Variants in GASK1B observed in about 807,000 individuals in gnomAD.
GASK1B encodes the protein golgi associated kinase 1B.
A neutral mutation model predicts 42.8 loss-of-function variants in GASK1B; 34 were observed. The ratio of observed to expected loss-of-function variants is 0.79; its 90% CI spans 0.60 to 1.06. The LOEUF (loss-of-function observed/expected upper bound fraction) is 1.06, where lower values mean the gene tolerates loss of function less well. GASK1B is among the 50% of genes least tolerant of loss of function. GASK1B has a pLI of 0.00. For missense variants in GASK1B, 686 were observed against 661.0 expected, an observed-to-expected ratio of 1.04 and a Z score of -0.42; for synonymous variants, 262 against 259.1, an observed-to-expected ratio of 1.01 and a Z score of -0.11.
intron 3 of GASK1B, among the ~76,000 whole-genome samples, chr4:158,150,986 T>C (rs752685134): frequency 1.3e-5 from 2 of 152,234 alleles, no homozygotes; most frequent in Non-Finnish European, 2.9e-5. Context: ...CTGCAATTTC[T>C]TCCTCCTACT....
intron 3 of GASK1B, among the ~76,000 whole-genome samples, chr4:158,152,364 AC>A (rs1731590529): frequency 6.6e-6 from 1 of 152,188 alleles, no homozygotes; most frequent in Admixed American, 6.5e-5. Context: ...AAAATTGCTA[AC>A]AAAAAAGTCC....
intron 2 of GASK1B, among the ~76,000 whole-genome samples, chr4:158,167,982 G>A (rs1732292243): frequency 6.6e-6 from 1 of 152,162 alleles, no homozygotes; most frequent in Non-Finnish European, 1.5e-5. Context: ...ATGACCAGAA[G>A]TGGTCTATTT....
At chr4:158,159,304 G>T (rs1006060996) in intron 2 of GASK1B, among the ~76,000 whole-genome samples, 4 of 152,096 alleles carry the variant, frequency 2.6e-5, no homozygotes, top group African/African-American at 9.7e-5. Context: ...CCACATACAG[G>T]CCTTCTTGCT....
chr4:158,166,490 C>T (rs2346320), intron 2 of GASK1B, among the ~76,000 whole-genome samples: 140,724 of 152,274 alleles, frequency 0.92, 65,317 homozygotes, highest in East Asian at 0.98. Context: ...CCTTCTTACA[C>T]CTCCCTTTTC....
intron 3 of GASK1B, among the ~76,000 whole-genome samples, chr4:158,147,625 A>T (rs949775075): frequency 1.7e-4 from 24 of 144,776 alleles, no homozygotes; most frequent in Non-Finnish European, 3.1e-4. Flanking sequence ...AAAAAAAAAA[A>T]TTAAATTTAA....
chr4:158,159,960 TATGA>T (rs1731908550), intron 2 of GASK1B, among the ~76,000 whole-genome samples: 1 of 152,132 alleles, frequency 6.6e-6, no homozygotes, highest in South Asian at 2.1e-4. Context: ...TGGGTGGAGC[TATGA>T]ATGTCTGTGA....
intron 3 of GASK1B, among the ~76,000 whole-genome samples, chr4:158,132,159 T>C (rs1730708834): frequency 1.3e-5 from 2 of 149,444 alleles, no homozygotes; most frequent in South Asian, 2.1e-4. Flanking sequence ...GTGGATTTGT[T>C]TGTCTCCAAA....
At chr4:158,149,597 T>G (rs374898126) in intron 3 of GASK1B, among the ~76,000 whole-genome samples, 7 of 4,470 alleles carry the variant, frequency 1.6e-3, no homozygotes, top group African/African-American at 1.7e-3. Context: ...ATTGTCCTAA[T>G]CATTCTCAGG....
chr4:158,140,072 A>C (rs1731055165), intron 3 of GASK1B, among the ~76,000 whole-genome samples: 1 of 152,186 alleles, frequency 6.6e-6, no homozygotes. Flanking sequence ...GAGTACAATG[A>C]CCACCGGTAT....
At chr4:158,158,052 T>C (rs1731823103) in intron 2 of GASK1B, among the ~76,000 whole-genome samples, 1 of 152,118 alleles carries the variant, frequency 6.6e-6, no homozygotes, top group Admixed American at 6.6e-5. Flanking sequence ...GAGTATAACT[T>C]ATGGTTAGAG....
At chr4:158,172,433 T>C (rs1437266979) in intron 1 of GASK1B, 1 of 152,224 alleles carries the variant, frequency 6.6e-6, no homozygotes, top group Non-Finnish European at 1.5e-5. Flanking sequence ...AGAACATATT[T>C]CATGGTCAAG....
At chr4:158,144,374 A>G (rs1467932068) in intron 3 of GASK1B, among the ~76,000 whole-genome samples, 1 of 152,242 alleles carries the variant, frequency 6.6e-6, no homozygotes. Flanking sequence ...GGAAATACAT[A>G]TAGTAGAAAC....
intron 2 of GASK1B, among the ~76,000 whole-genome samples, chr4:158,163,418 G>C (rs1404962412): frequency 6.6e-6 from 1 of 151,946 alleles, no homozygotes; most frequent in Non-Finnish European, 1.5e-5. Flanking sequence ...AAAATGCAAA[G>C]ATTAGCCGGG....
rs1553958620 is a variant in GASK1B, at chr4:158,141,597, C to CATTTTTTTTTTTTTTTT, written c.1126-10586_1126-10585insAAAAAAAAAAAAAAAAT. On this transcript the variant is annotated intron_variant, in intron 3 of 4. Transcript: ENST00000585682. ...CATAGGTCAGTGCCTTTGTATTTAC[C>CATTTTTTTTTTTTTTTT]TTTTTTTTTTTTTTTTTTTTTTTTT... is the stretch of plus-strand genomic sequence containing the variant. Among the ~76,000 whole-genome samples the CATTTTTTTTTTTTTTTT allele has an allele frequency of 2.6e-5, 3 of 113,694 alleles. 1 individual carries two copies. The allele number at this position is 113,694 out of a possible 152,430, so 74.6% of individuals were successfully genotyped here.
chr4:158,150,464 T>C, intron 3 of GASK1B, among the ~76,000 whole-genome samples: 1 of 152,140 alleles, frequency 6.6e-6, no homozygotes, highest in East Asian at 1.9e-4. Context: ...CCAATAGAAC[T>C]TGAGAGGCAA....
Position 158,136,367 on chromosome 4 carries a change from C to T in GASK1B, c.1126-5355G>A, listed in dbSNP as rs149790618. Among the ~76,000 whole-genome samples, 53 of 151,480 alleles carry T rather than the reference C, an allele frequency of 3.5e-4. No individual in the cohort carries two copies. The East Asian group carries it at 4.7e-3, about 13-fold the overall frequency. On this transcript the variant is annotated intron_variant, in intron 3 of 4. Transcript: ENST00000585682. ...CAGGACCCCCAGAAAATGCACTGTG[C>T]CTATAAAAAAAAAAGCTAAAAATTT...
intron 3 of GASK1B, among the ~76,000 whole-genome samples, chr4:158,150,720 T>G (rs1296783768): frequency 6.6e-6 from 1 of 152,222 alleles, no homozygotes; most frequent in East Asian, 1.9e-4. Context: ...TAAAATGGAA[T>G]AATGAGATAA....
At chr4:158,158,339 CTT>C (rs1463792900) in intron 2 of GASK1B, among the ~76,000 whole-genome samples, 2 of 152,054 alleles carry the variant, frequency 1.3e-5, no homozygotes. Flanking sequence ...TTCAACTGAC[CTT>C]TACCATTTCT....
intron 3 of GASK1B, among the ~76,000 whole-genome samples, chr4:158,141,597 C>T (rs942269795): frequency 3.5e-5 from 4 of 113,692 alleles, no homozygotes; most frequent in Non-Finnish European, 7.0e-5. Flanking sequence ...TTGTATTTAC[C>T]TTTTTTTTTT....
Sources: gnomAD v4.1 joint callset for allele counts (sites outside exome capture counted in the v4.1 genomes callset) on GRCh38, gnomAD v4.1.1 for gene constraint, MANE v1.5 for transcripts, NCBI Gene and HGNC (gene_info 2026-07-23, HGNC 2026-07-21) for gene names.